The following DLG5 variants were observed in gnomAD, a reference collection of about 807,000 sequenced individuals.
DLG5 encodes disks large homolog 5.
Under a neutral mutation model 189.8 loss-of-function variants are expected in DLG5, and 48 were observed. The ratio of observed to expected loss-of-function variants is 0.25; its 90% CI spans 0.20 to 0.32. The LOEUF is 0.32. DLG5 is among the 10% of genes least tolerant of loss of function. DLG5 has a pLI of 1.00. For synonymous variants in DLG5, 1,016 were observed against 1,054.1 expected (o/e 0.96, Z 0.70); for missense variants, 2,160 against 2,544.7 (o/e 0.85, Z 3.25).
At chr10:77,896,471 G>A (rs1170681451) in intron 1 of DLG5, among the ~76,000 whole-genome samples, 1 of 152,140 alleles carries the variant, frequency 6.6e-6, no homozygotes, top group Non-Finnish European at 1.5e-5. Context: ...AAACTGTCCT[G>A]ATGTCCACAA....
intron 27 of DLG5, among the ~76,000 whole-genome samples, chr10:77,800,535 C>T (rs1415045838): frequency 6.6e-6 from 1 of 151,532 alleles, no homozygotes; most frequent in African/African-American, 2.4e-5. Flanking sequence ...GGGGCCGCCG[C>T]TGAGGGGCTG....
chr10:77,838,723 G>C (rs1216097809), intron 7 of DLG5, among the ~76,000 whole-genome samples: 2 of 152,212 alleles, frequency 1.3e-5, no homozygotes, highest in African/African-American at 4.8e-5. Flanking sequence ...CGGTGAGGGA[G>C]CTAGACCTGC....
intron 1 of DLG5, among the ~76,000 whole-genome samples, chr10:77,907,018 C>T (rs1846088952): frequency 6.6e-6 from 1 of 152,144 alleles, no homozygotes; most frequent in Non-Finnish European, 1.5e-5. Flanking sequence ...CGTGATCTGA[C>T]AACACTGAAG....
At chr10:77,901,770 C>T (rs1272986557) in intron 1 of DLG5, among the ~76,000 whole-genome samples, 5 of 152,144 alleles carry the variant, frequency 3.3e-5, no homozygotes, top group East Asian at 1.9e-4. Flanking sequence ...CAACAGCACC[C>T]GGCTCCAACG....
rs1038790770 is a variant in DLG5, at chr10:77,902,943, G to A, written c.304+23274C>T. 3.3e-5 allele frequency among the ~76,000 whole-genome samples: 5 copies of A among 151,890 alleles called. 1 individual carries two copies. The highest frequency in any genetic ancestry group is 4.1e-4 in the South Asian group (2 of 4,832). ...CATCCCTCATTCTGGGCGACAGAGC[G>A]AGACTCCGTCTCAAAAAATAAATAA... On this transcript the variant is annotated intron_variant, in intron 1 of 31. Transcript: ENST00000372391.
intron 1 of DLG5, among the ~76,000 whole-genome samples, chr10:77,887,476 T>C (rs1845473277): frequency 6.6e-6 from 1 of 152,210 alleles, no homozygotes; most frequent in Non-Finnish European, 1.5e-5. Flanking sequence ...ACTTTTTCTT[T>C]CTTTTATTTT....
intron 3 of DLG5, among the ~76,000 whole-genome samples, chr10:77,855,027 A>G (rs1403570324): frequency 6.6e-6 from 1 of 152,148 alleles, no homozygotes; most frequent in Non-Finnish European, 1.5e-5. Flanking sequence ...AAATAAAAGT[A>G]AAATATTAAA....
chr10:77,830,115 G>T, intron 11 of DLG5, 102 bp downstream of exon 11: 2 of 1,469,766 alleles, frequency 1.4e-6, no homozygotes, highest in Non-Finnish European at 1.9e-6. Flanking sequence ...TGAGTCTAAG[G>T]CTGGGAAACG....
At chr10:77,880,962 C>CA (rs1845261299) in intron 1 of DLG5, among the ~76,000 whole-genome samples, 1 of 73,238 alleles carries the variant, frequency 1.4e-5, no homozygotes, top group African/African-American at 6.0e-5. Flanking sequence ...AACCCTAGAC[C>CA]TTTTTTTTTT....
intron 20 of DLG5, chr10:77,816,324 A>C: frequency 1.4e-6 from 1 of 712,288 alleles, no homozygotes; most frequent in South Asian, 1.5e-5. Flanking sequence ...CATTTCCAGC[A>C]TCATCTACTG....
rs1388903009 is a variant in DLG5 at position 77,853,544 on chromosome 10, C to T, written c.681-7G>A. 1.9e-6 allele frequency: 3 copies of T among 1,580,146 alleles called. No individual in the cohort carries two copies. The highest frequency in any genetic ancestry group is 1.2e-5 in the South Asian group (1 of 86,872). On this transcript the variant is annotated splice_region_variant and splice_polypyrimidine_tract_variant and intron_variant, in intron 4 of 31. Coordinates refer to ENST00000372391, the MANE Select transcript of DLG5 (RefSeq NM_004747.4). ...GAGCCGGCTGTGGAGTGTGCTGAAA[C>T]ACCCGGTACATGCTCAGTGAGCCCC... is the stretch of plus-strand genomic sequence containing the variant.
At position 77,805,672 on chromosome 10, in the gene DLG5, G is replaced by A; in HGVS notation, c.5157C>T (p.Leu1719=). Residue 1719 remains leucine, a synonymous_variant, in exon 27 of 32, where the codon CTC becomes CTT. Transcript: ENST00000372391. The part of the protein sequence containing the change: ...LDAFSSDSIP[L]FEDSVSLAYQ... ...ATGAGCTCAGCCACTTGCCTTCAAA[G>A]AGTGGAATGGAGTCACTGGAAAAGG... 1.2e-6 allele frequency: 2 copies of A among 1,607,362 alleles called. No individual in the cohort carries two copies. The highest frequency in any genetic ancestry group is 1.7e-6 in the Non-Finnish European group (2 of 1,174,766).
Position 77,899,706 on chromosome 10 carries a change from G to A in DLG5, c.304+26511C>T, listed in dbSNP as rs1023368641. 2.6e-5 allele frequency among the ~76,000 whole-genome samples: 4 copies of A among 152,258 alleles called. No individual in the cohort carries two copies. In the South Asian group the frequency reaches 8.3e-4, roughly 32 times the overall value. The stretch of plus-strand genomic sequence containing the variant: ...GTCCACTCCTATAGGTTCGCTCAGG[G>A]GTAGCTGGCTCACCAGGGACACATT... On this transcript the variant is annotated intron_variant, in intron 1 of 31. Coordinates refer to ENST00000372391, the MANE Select transcript of DLG5 (RefSeq NM_004747.4).
intron 27 of DLG5, among the ~76,000 whole-genome samples, chr10:77,802,121 C>T (rs1377812117): frequency 2.6e-5 from 4 of 152,154 alleles, no homozygotes; most frequent in East Asian, 1.9e-4. Context: ...CCGGAGGGAG[C>T]GAAGGTTGGC....
intron 13 of DLG5, among the ~76,000 whole-genome samples, chr10:77,826,494 T>C (rs1842646915): frequency 6.6e-6 from 1 of 152,082 alleles, no homozygotes; most frequent in Admixed American, 6.5e-5. Flanking sequence ...CAGGGCGTGA[T>C]GGCACATGTC....
intron 1 of DLG5, among the ~76,000 whole-genome samples, chr10:77,877,508 A>G (rs1845137273): frequency 6.6e-6 from 1 of 151,992 alleles, no homozygotes; most frequent in African/African-American, 2.4e-5. Flanking sequence ...GATGAAAGCC[A>G]CCCTCTTTGT....
intron 5 of DLG5, among the ~76,000 whole-genome samples, chr10:77,846,932 C>T (rs1843724108): frequency 6.6e-6 from 1 of 152,136 alleles, no homozygotes; most frequent in Admixed American, 6.5e-5. Context: ...TGACACAAAG[C>T]CCGGTTCTGG....
At chr10:77,834,064 G>A in intron 8 of DLG5, 25 bp from the exon 9 acceptor site, 1 of 1,601,990 alleles carries the variant, frequency 6.2e-7, no homozygotes, top group Non-Finnish European at 8.5e-7. Context: ...AGAGGACAAG[G>A]TCATCTCAAG....
chr10:77,825,182 C>T (rs542950179), intron 13 of DLG5, among the ~76,000 whole-genome samples: 1 of 152,264 alleles, frequency 6.6e-6, no homozygotes, highest in East Asian at 1.9e-4. Flanking sequence ...GATTCCATGT[C>T]TGTAACATTC....
Sources: gnomAD v4.1 joint callset for allele counts (sites outside exome capture counted in the v4.1 genomes callset) on GRCh38, gnomAD v4.1.1 for gene constraint, MANE v1.5 for transcripts, NCBI Gene and HGNC (gene_info 2026-07-23, HGNC 2026-07-21) for gene names.